Variants in WAPL observed in about 807,000 individuals in gnomAD.
The protein encoded by WAPL is WAPL cohesin release factor.
Under a neutral mutation model 121.0 loss-of-function variants are expected in WAPL, and 5 were observed. The observed-to-expected ratio is 0.04, with a 90% CI of 0.02 to 0.09. The LOEUF (loss-of-function observed/expected upper bound fraction) is 0.09, where lower values mean the gene tolerates loss of function less well. WAPL is among the 10% of genes least tolerant of loss of function. The probability of loss-of-function intolerance (pLI) is 1.00; values close to 1 mark genes in which losing one functional copy is unlikely to be tolerated. For missense variants in WAPL, 999 were observed against 1,410.8 expected, an observed-to-expected ratio of 0.71 and a Z score of 4.68; for synonymous variants, 480 against 481.5, an observed-to-expected ratio of 1.00 and a Z score of 0.04.
chr10:86,478,226 T>A (rs900725165), intron 4 of WAPL, among the ~76,000 whole-genome samples: 1 of 151,958 alleles, frequency 6.6e-6, no homozygotes, highest in Non-Finnish European at 1.5e-5. Context: ...GCCCAGGAGT[T>A]TGAGACAGCC....
intron 3 of WAPL, among the ~76,000 whole-genome samples, chr10:86,499,188 C>A (rs2132220111): frequency 6.6e-6 from 1 of 152,288 alleles, no homozygotes; most frequent in Non-Finnish European, 1.5e-5. Flanking sequence ...TGAAGACTCT[C>A]CAATCTACAA....
chr10:86,454,520 G>A (rs975134896), intron 12 of WAPL, among the ~76,000 whole-genome samples: 5 of 152,232 alleles, frequency 3.3e-5, no homozygotes, highest in Non-Finnish European at 7.3e-5. Context: ...TGGGACTGCA[G>A]GCGGGCGCCG....
intron 15 of WAPL, among the ~76,000 whole-genome samples, chr10:86,451,152 G>T (rs1379781950): frequency 6.6e-6 from 1 of 151,802 alleles, no homozygotes; most frequent in East Asian, 1.9e-4. Context: ...TGTTGCCCAG[G>T]CTGGTCTTGA....
rs1333007290 is a variant in WAPL at position 86,436,835 on chromosome 10, T to TA, written c.*707dup. ...CAAACTGTTGTTTTTCTTGTGCCTATAGCTATGACACATTATGGTATGATA... is the reference window on the plus strand; with the variant it reads ...CAAACTGTTGTTTTTCTTGTGCCTATAAGCTATGACACATTATGGTATGATA... On this transcript the variant is annotated 3_prime_UTR_variant, in exon 19 of 19. Transcript: ENST00000298767. The TA allele has an allele frequency of 6.5e-6, 1 of 152,772 alleles. No individual in the cohort carries two copies. Among genetic ancestry groups the TA allele is most frequent in the East Asian group, 1.9e-4 (1 of 5,186 alleles). 9.5% of individuals were successfully genotyped at this position (152,772 alleles called of 1,614,324 possible). A position where few individuals can be genotyped will look rare whatever the true frequency, so the allele number is the denominator to read the frequency against.
intron 9 of WAPL, 124 bp downstream of exon 9, chr10:86,467,155 T>A (rs899548085): frequency 4.9e-6 from 4 of 821,486 alleles, no homozygotes; most frequent in Non-Finnish European, 7.6e-6. Flanking sequence ...ACATAAGAAA[T>A]TTGCCAAACT....
At chr10:86,470,892 G>A (rs540171316) in intron 8 of WAPL, 100 bp downstream of exon 8, 385 of 886,834 alleles carry the variant, frequency 4.3e-4, no homozygotes, top group Non-Finnish European at 5.1e-4. Flanking sequence ...TCTATAATTA[G>A]GATATATTTA....
At chr10:86,446,568 T>C (rs1294148028) in intron 15 of WAPL, 119 bp from the exon 16 acceptor site, 6 of 1,136,720 alleles carry the variant, frequency 5.3e-6, no homozygotes, top group African/African-American at 1.6e-5. Context: ...GGTTATGTGA[T>C]AAAAAGAGGT....
In WAPL at chr10:86,437,359, A is replaced by G. The variant is rs1849349170; in HGVS notation, c.*184T>C. 2 of 573,326 alleles carry G rather than the reference A, an allele frequency of 3.5e-6. No homozygotes were observed. Among genetic ancestry groups the G allele is most frequent in the South Asian group, 2.3e-5 (1 of 43,234 alleles). 35.5% of individuals were successfully genotyped at this position (573,326 alleles called of 1,614,324 possible). On this transcript the variant is annotated 3_prime_UTR_variant, in exon 19 of 19. Transcript: ENST00000298767. Reference sequence around the variant, plus strand: ...ATTTTTGATAGTTGCAGATTGATGTAGTAACTGTCATTTAGCAAATGCCGA... The same window carrying G: ...ATTTTTGATAGTTGCAGATTGATGTGGTAACTGTCATTTAGCAAATGCCGA...
chr10:86,473,977 G>C lies in WAPL; in HGVS notation c.1645-4C>G, dbSNP rs777817627. 2.5e-6 allele frequency: 4 copies of C among 1,607,924 alleles called. No homozygotes were observed. Among genetic ancestry groups the C allele is most frequent in the Admixed American group, 3.3e-5 (2 of 59,854 alleles). On this transcript the variant is annotated splice_polypyrimidine_tract_variant and splice_region_variant and intron_variant, in intron 4 of 18. Coordinates refer to ENST00000298767, the MANE Select transcript of WAPL (RefSeq NM_015045.5). ...TATATACAGCTTTTGTGGGTGACTAGAGAAATGAGAGAAAGATCAACTGCT... is the reference window on the plus strand; with the variant it reads ...TATATACAGCTTTTGTGGGTGACTACAGAAATGAGAGAAAGATCAACTGCT...
chr10:86,473,740 TA>T, intron 5 of WAPL, 137 bp downstream of exon 5: 1 of 620,098 alleles, frequency 1.6e-6, no homozygotes, highest in Non-Finnish European at 2.7e-6. Flanking sequence ...AAACTGAAAC[TA>T]ATAAGTTTCA....
chr10:86,481,109 A>C (rs78815039), intron 4 of WAPL, among the ~76,000 whole-genome samples: 13,151 of 152,196 alleles, frequency 0.086, 994 homozygotes, highest in East Asian at 0.38. Flanking sequence ...GAAAGTATAA[A>C]ATTTTGCCAA....
chr10:86,466,496 G>A (rs964549912), intron 9 of WAPL, among the ~76,000 whole-genome samples: 2 of 152,060 alleles, frequency 1.3e-5, no homozygotes, highest in Admixed American at 6.6e-5. Context: ...CTTGAGCCCA[G>A]GGGTTTGAGG....
chr10:86,450,403 C>A (rs1236389325), intron 15 of WAPL, among the ~76,000 whole-genome samples: 3 of 152,090 alleles, frequency 2.0e-5, no homozygotes, highest in African/African-American at 4.8e-5. Flanking sequence ...ACTCAACCAA[C>A]TGTTTTATTT....
At chr10:86,518,562 G>C (rs1342569309) in intron 1 of WAPL, among the ~76,000 whole-genome samples, 1 of 152,180 alleles carries the variant, frequency 6.6e-6, no homozygotes, top group Non-Finnish European at 1.5e-5. Flanking sequence ...ACAAAAATTA[G>C]CTGGGAGTGG....
chr10:86,501,603 A>G (rs763764717), intron 2 of WAPL, among the ~76,000 whole-genome samples: 2 of 152,368 alleles, frequency 1.3e-5, no homozygotes, highest in Middle Eastern at 3.4e-3. Flanking sequence ...ACAAATCTCA[A>G]TTAGCATCAT....
intron 12 of WAPL, among the ~76,000 whole-genome samples, chr10:86,455,823 A>G (rs192714599): frequency 6.6e-6 from 1 of 152,172 alleles, no homozygotes; most frequent in Non-Finnish European, 1.5e-5. Context: ...TGGGTTGCAT[A>G]AAAAATATAG....
At chr10:86,516,750 C>G (rs1288651100) in intron 2 of WAPL, among the ~76,000 whole-genome samples, 1 of 151,998 alleles carries the variant, frequency 6.6e-6, no homozygotes, top group African/African-American at 2.4e-5. Context: ...GCTATATTTA[C>G]AAATTAACAT....
chr10:86,483,794 C>CTTTTT (rs35725128), intron 4 of WAPL, among the ~76,000 whole-genome samples: 4 of 69,210 alleles, frequency 5.8e-5, no homozygotes, highest in African/African-American at 1.7e-4. Context: ...ATTTTTTTTT[C>CTTTTT]TTTTTTTTTT....
At position 86,500,119 on chromosome 10, in the gene WAPL, T is replaced by C; in HGVS notation, c.1124A>G (p.Asp375Gly). The change falls in exon 3 of 19, where the codon GAT (aspartate) becomes GGT (glycine). Residue 375 changes from aspartate (D) to glycine (G), a missense_variant. By Grantham distance (94) the Asp-to-Gly change is moderately conservative. This residue lies in a region of WAPL where 531 missense variants were observed against 563.1 expected (regional missense o/e 0.94). Transcript: ENST00000298767. Reference sequence around the variant, plus strand: ...CTCATCCATGCTGCGTTCCATAGTATCCTGTATGGTAACATTACAAACTGA... The same window carrying C: ...CTCATCCATGCTGCGTTCCATAGTACCCTGTATGGTAACATTACAAACTGA... ...CLSVCNVTIQ[D>G]TMERSMDEFT... 1 of 1,614,184 alleles carries C rather than the reference T, an allele frequency of 6.2e-7. No individual in the cohort carries two copies. Among genetic ancestry groups the C allele is most frequent in the African/African-American group, 1.3e-5 (1 of 75,040 alleles).
Sources: allele counts gnomAD v4.1 joint callset (sites outside exome capture counted in the v4.1 genomes callset), GRCh38; gene constraint gnomAD v4.1.1; regional missense constraint gnomAD v4.1.1; transcripts MANE v1.5; gene names NCBI Gene and HGNC (gene_info 2026-07-23, HGNC 2026-07-21).